Variants in AZIN2 observed in about 807,000 individuals in gnomAD.
AZIN2 encodes antizyme inhibitor 2.
Under a neutral mutation model 47.8 loss-of-function variants are expected in AZIN2, and 28 were observed. The ratio of observed to expected loss-of-function variants is 0.59; its 90% CI spans 0.43 to 0.80. The LOEUF is 0.80. Among genes scored for constraint, AZIN2 ranks in the 30% least tolerant of loss-of-function variants. The pLI, the probability that AZIN2 is intolerant of heterozygous loss-of-function variation, is 0.00. For missense variants in AZIN2, 535 were observed against 582.5 expected (o/e 0.92, Z 0.84); for synonymous variants, 221 against 239.4 (o/e 0.92, Z 0.71).
chr1:33,109,464 G>T (rs1351575158), intron 10 of AZIN2, among the ~76,000 whole-genome samples: 5 of 151,884 alleles, frequency 3.3e-5, no homozygotes, highest in Non-Finnish European at 7.4e-5. Context: ...GAATGGCTGG[G>T]ATTACAGGTG....
chr1:33,112,149 T>C (rs1197472944), intron 10 of AZIN2, among the ~76,000 whole-genome samples: 1 of 152,122 alleles, frequency 6.6e-6, no homozygotes, highest in Non-Finnish European at 1.5e-5. Context: ...TATGGTGTAG[T>C]TGGGTCCTTA....
At chr1:33,161,432 C>T in the AZIN2 span, among the ~76,000 whole-genome samples, 1 of 152,142 alleles carries the variant, frequency 6.6e-6, no homozygotes, top group African/African-American at 2.4e-5. This position sits in a 1 kb window ranked among gnomAD's most constrained non-coding sequence, Gnocchi z 4.3. Context: ...GAGTCAGAAA[C>T]CCCACTGTGT....
chr1:33,124,134 C>G (rs1644840074), downstream of AZIN2, among the ~76,000 whole-genome samples: 1 of 152,124 alleles, frequency 6.6e-6, no homozygotes. The surrounding 1 kb of genome is among the most constrained non-coding windows in gnomAD (Gnocchi z 4.6). Context: ...CCATTGCACT[C>G]CAGCCTAGGC....
At chr1:33,146,141 A>G in the AZIN2 span, 6 of 265,162 alleles carry the variant, frequency 2.3e-5, no homozygotes, top group Admixed American at 5.0e-5. Flanking sequence ...GAAATTCAGC[A>G]GAGTCTGCTT....
At chr1:33,152,340 C>T in the AZIN2 span, among the ~76,000 whole-genome samples, 29 of 152,178 alleles carry the variant, frequency 1.9e-4, no homozygotes, top group African/African-American at 6.0e-4. Context: ...CCGAGGCAGG[C>T]GGATCACCTG....
the AZIN2 span, among the ~76,000 whole-genome samples, chr1:33,144,989 A>G: frequency 6.6e-6 from 1 of 152,208 alleles, no homozygotes; most frequent in African/African-American, 2.4e-5. Context: ...CATGTGGGAA[A>G]ACTGAGTCCC....
chr1:33,096,996 G>A, intron 9 of AZIN2, 127 bp downstream of exon 9: 1 of 1,167,790 alleles, frequency 8.6e-7, no homozygotes, highest in Non-Finnish European at 1.2e-6. Flanking sequence ...ATGGGTTCTT[G>A]CTTTAGGGAA....
At chr1:33,164,473 C>T in the AZIN2 span, 1 of 152,416 alleles carries the variant, frequency 6.6e-6, no homozygotes, top group Middle Eastern at 3.1e-3. Context: ...GCAGTCCCCA[C>T]TGGACAGATG....
chr1:33,139,099 A>T, the AZIN2 span, among the ~76,000 whole-genome samples: 1 of 152,226 alleles, frequency 6.6e-6, no homozygotes, highest in African/African-American at 2.4e-5. Context: ...TTCATTTTTT[A>T]AAATGAGCAC....
chr1:33,151,484 A>G, the AZIN2 span, among the ~76,000 whole-genome samples: 1 of 152,098 alleles, frequency 6.6e-6, no homozygotes, highest in Non-Finnish European at 1.5e-5. Flanking sequence ...TAACAGGAGT[A>G]ACAACCTTCA....
the AZIN2 span, among the ~76,000 whole-genome samples, chr1:33,155,445 A>G: frequency 6.6e-6 from 1 of 152,228 alleles, no homozygotes; most frequent in Admixed American, 6.5e-5. Context: ...GCCAGATGGA[A>G]GAAACTCTGA....
chr1:33,105,235 T>C (rs1178858638), intron 10 of AZIN2, among the ~76,000 whole-genome samples: 1 of 152,212 alleles, frequency 6.6e-6, no homozygotes, highest in African/African-American at 2.4e-5. Context: ...TTTAAAAAAG[T>C]GTCATAGTGC....
chr1:33,112,996 C>T (rs558687246), intron 10 of AZIN2, among the ~76,000 whole-genome samples: 49 of 152,062 alleles, frequency 3.2e-4, no homozygotes, highest in Non-Finnish European at 4.3e-4. Flanking sequence ...TTTTTTGAGA[C>T]GGCGTCTCGC....
the AZIN2 span, chr1:33,159,784 A>G: frequency 6.2e-7 from 1 of 1,613,820 alleles, no homozygotes; most frequent in East Asian, 2.2e-5. The surrounding 1 kb of genome is among the most constrained non-coding windows in gnomAD (Gnocchi z 4.2). Flanking sequence ...GACCTTGCGC[A>G]GCTGCTGGCT....
chr1:33,157,617 G>A, the AZIN2 span, among the ~76,000 whole-genome samples: 1 of 152,068 alleles, frequency 6.6e-6, no homozygotes, highest in African/African-American at 2.4e-5. Context: ...GCTTACTATG[G>A]TATCTCCAGC....
chr1:33,112,498 A>G (rs1179132861), intron 10 of AZIN2, among the ~76,000 whole-genome samples: 1 of 152,154 alleles, frequency 6.6e-6, no homozygotes. Flanking sequence ...TAAACAATAC[A>G]TTGTTTAGGG....
chr1:33,089,901 C>T (rs1339208576), intron 5 of AZIN2, among the ~76,000 whole-genome samples: 1 of 152,226 alleles, frequency 6.6e-6, no homozygotes, highest in Non-Finnish European at 1.5e-5. Context: ...GCTCTCTCTT[C>T]TCTTGTTTAT....
chr1:33,114,422 C>T (rs142269206), intron 10 of AZIN2, among the ~76,000 whole-genome samples: 2,614 of 141,176 alleles, frequency 0.019, 69 homozygotes, highest in East Asian at 0.083. Flanking sequence ...GGCGCAATCT[C>T]GGCTCACTGC....
the AZIN2 span, chr1:33,143,349 AG>A: frequency 6.6e-6 from 1 of 152,370 alleles, no homozygotes; most frequent in Middle Eastern, 3.4e-3. Context: ...TGCGCCATGG[AG>A]GGGGTGCTCC....
Sources: allele counts gnomAD v4.1 joint callset (sites outside exome capture counted in the v4.1 genomes callset), GRCh38; gene constraint gnomAD v4.1.1; non-coding constraint Gnocchi (gnomAD v3.1); transcripts MANE v1.5; gene names NCBI Gene and HGNC (gene_info 2026-07-23, HGNC 2026-07-21).